The following NAALADL2 variants were observed in gnomAD, a reference collection of about 807,000 sequenced individuals.
NAALADL2 encodes the protein N-acetylated alpha-linked acidic dipeptidase like 2.
In NAALADL2, 76 loss-of-function variants were observed where a neutral mutation model predicts 87.2. The ratio of observed to expected loss-of-function variants is 0.87; its 90% CI spans 0.72 to 1.05. The LOEUF (loss-of-function observed/expected upper bound fraction) is 1.05, where lower values mean the gene tolerates loss of function less well. Ranked by LOEUF, NAALADL2 falls within the 50% of genes least tolerant of loss-of-function variation. The pLI, the probability that NAALADL2 is intolerant of heterozygous loss-of-function variation, is 0.00. For missense variants in NAALADL2, 1,089 were observed against 945.8 expected (o/e 1.15, Z -1.99); for synonymous variants, 354 against 331.0 (o/e 1.07, Z -0.75).
chr3:175,515,045 C>T (rs1478036741), intron 9 of NAALADL2, among the ~76,000 whole-genome samples: 2 of 152,112 alleles, frequency 1.3e-5, no homozygotes, highest in African/African-American at 2.4e-5. Flanking sequence ...CCTGTGGAGG[C>T]GTCTCTGTTT....
At chr3:175,007,672 T>G (rs1194807034) in intron 1 of NAALADL2, among the ~76,000 whole-genome samples, 1 of 152,154 alleles carries the variant, frequency 6.6e-6, no homozygotes, top group Non-Finnish European at 1.5e-5. Context: ...AAGACCCCAG[T>G]GGATGCCTGA....
chr3:175,183,273 A>G (rs1736861450), intron 2 of NAALADL2, among the ~76,000 whole-genome samples: 1 of 151,710 alleles, frequency 6.6e-6, no homozygotes, highest in Non-Finnish European at 1.5e-5. Flanking sequence ...ATTATTGTAA[A>G]TGGAAATGTT....
chr3:174,690,101 A>G (rs1728423893), intron 2 of NAALADL2, among the ~76,000 whole-genome samples: 1 of 152,192 alleles, frequency 6.6e-6, no homozygotes, highest in Non-Finnish European at 1.5e-5. Flanking sequence ...ACAGAACTGT[A>G]AGGCATTGTG....
At chr3:174,705,169 A>C (rs894448341) in intron 2 of NAALADL2, among the ~76,000 whole-genome samples, 1 of 152,056 alleles carries the variant, frequency 6.6e-6, no homozygotes, top group Admixed American at 6.6e-5. Flanking sequence ...CACACACCCC[A>C]CTCACTCATA....
At chr3:175,371,263 A>G (rs1036021031) in intron 5 of NAALADL2, among the ~76,000 whole-genome samples, 2 of 151,620 alleles carry the variant, frequency 1.3e-5, no homozygotes, top group African/African-American at 4.8e-5. Context: ...TATGGATGAT[A>G]TTATTATTAT....
chr3:175,556,045 A>C (rs62287131), intron 9 of NAALADL2, among the ~76,000 whole-genome samples: 28,645 of 152,100 alleles, frequency 0.19, 2,777 homozygotes, highest in Middle Eastern at 0.24. Context: ...CAGACTCCAG[A>C]GCTAAGGGCA....
chr3:175,116,165 A>G (rs1030608986), intron 2 of NAALADL2, among the ~76,000 whole-genome samples: 2 of 152,026 alleles, frequency 1.3e-5, no homozygotes, highest in African/African-American at 4.8e-5. Context: ...CCCTTTGAAA[A>G]CTGGCACAAG....
At chr3:175,090,915 T>C (rs1279977398) in intron 1 of NAALADL2, among the ~76,000 whole-genome samples, 1 of 152,002 alleles carries the variant, frequency 6.6e-6, no homozygotes, top group Non-Finnish European at 1.5e-5. Context: ...AAAGAATTCT[T>C]GATGCATTTA....
chr3:174,574,246 T>C (rs751033725), intron 2 of NAALADL2, among the ~76,000 whole-genome samples: 59 of 152,116 alleles, frequency 3.9e-4, no homozygotes, highest in Non-Finnish European at 5.6e-4. Flanking sequence ...TTTGACTTTT[T>C]TTTTGTAGAT....
intron 2 of NAALADL2, among the ~76,000 whole-genome samples, chr3:175,199,975 G>C (rs941326574): frequency 6.9e-6 from 1 of 144,754 alleles, no homozygotes; most frequent in Non-Finnish European, 1.5e-5. Flanking sequence ...CAAATGCATA[G>C]GCTTAGAAAT....
intron 11 of NAALADL2, among the ~76,000 whole-genome samples, chr3:175,640,594 C>T (rs1226160898): frequency 6.6e-6 from 1 of 152,108 alleles, no homozygotes; most frequent in African/African-American, 2.4e-5. Flanking sequence ...CATTATTTTA[C>T]TCCACGATGC....
At chr3:174,624,966 G>A (rs908558215) in intron 2 of NAALADL2, among the ~76,000 whole-genome samples, 2 of 149,716 alleles carry the variant, frequency 1.3e-5, no homozygotes. Flanking sequence ...TCTTGGTAGC[G>A]TTTTCATGCA....
At chr3:174,543,881 A>C (rs1398757289) in intron 1 of NAALADL2, among the ~76,000 whole-genome samples, 1 of 151,844 alleles carries the variant, frequency 6.6e-6, no homozygotes, top group African/African-American at 2.4e-5. Flanking sequence ...GGTGGCGTGC[A>C]CCTGTAATCC....
chr3:174,577,001 G>T (rs562348795), intron 2 of NAALADL2, among the ~76,000 whole-genome samples: 1 of 151,964 alleles, frequency 6.6e-6, no homozygotes, highest in Middle Eastern at 3.2e-3. Flanking sequence ...TTCAATGCCT[G>T]TTATAAAGAA....
intron 2 of NAALADL2, among the ~76,000 whole-genome samples, chr3:174,695,182 C>A (rs1728908437): frequency 6.6e-6 from 1 of 151,946 alleles, no homozygotes; most frequent in Admixed American, 6.6e-5. Context: ...TTGCTACATT[C>A]TTCATTTGAC....
At chr3:174,710,546 C>T (rs1439506108) in intron 2 of NAALADL2, among the ~76,000 whole-genome samples, 2 of 152,052 alleles carry the variant, frequency 1.3e-5, no homozygotes, top group African/African-American at 4.8e-5. Flanking sequence ...GAGCCACCGC[C>T]TCCGACCCTC....
intron 1 of NAALADL2, among the ~76,000 whole-genome samples, chr3:175,002,138 C>CT (rs1015935540): frequency 1.3e-5 from 2 of 151,934 alleles, no homozygotes; most frequent in South Asian, 2.1e-4. Context: ...AATTTAGGTA[C>CT]TTTTTTTTGT....
chr3:174,488,504 T>C (rs1285325226), intron 1 of NAALADL2, among the ~76,000 whole-genome samples: 1 of 152,126 alleles, frequency 6.6e-6, no homozygotes. Flanking sequence ...ATGCTTTTAA[T>C]GTGCTGTACA....
chr3:174,624,559 G>A (rs1294812675), intron 2 of NAALADL2, among the ~76,000 whole-genome samples: 1 of 151,640 alleles, frequency 6.6e-6, no homozygotes, highest in Non-Finnish European at 1.5e-5. Context: ...GGGAGGTGGA[G>A]GTTGCAGTGA....
Sources: allele counts gnomAD v4.1 joint callset (sites outside exome capture counted in the v4.1 genomes callset), GRCh38; gene constraint gnomAD v4.1.1; transcripts MANE v1.5; gene names NCBI Gene and HGNC (gene_info 2026-07-23, HGNC 2026-07-21).